Variants in SLA observed in about 807,000 individuals in gnomAD.
The protein encoded by SLA is Src like adaptor.
A neutral mutation model predicts 30.3 loss-of-function variants in SLA; 16 were observed. That is an observed-to-expected ratio of 0.53 (90% CI 0.36 to 0.80). The LOEUF is 0.80. SLA is among the 30% of genes least tolerant of loss of function. The pLI is 0.01. For missense variants in SLA, 310 were observed against 345.2 expected (o/e 0.90, Z 0.81); for synonymous variants, 143 against 137.8 (o/e 1.04, Z -0.26).
At chr8:133,081,904 CAA>C (rs1242540863) in intron 1 of SLA, among the ~76,000 whole-genome samples, 3 of 152,182 alleles carry the variant, frequency 2.0e-5, no homozygotes, top group Admixed American at 6.5e-5. Flanking sequence ...AGGCCCCACT[CAA>C]GAGAACACAG....
At chr8:133,096,819 A>G (rs528841839) in intron 1 of SLA, among the ~76,000 whole-genome samples, 67 of 152,330 alleles carry the variant, frequency 4.4e-4, no homozygotes, top group African/African-American at 1.5e-3. Flanking sequence ...TAAATTTCCT[A>G]GTAAAGAGAG....
intron 1 of SLA, among the ~76,000 whole-genome samples, chr8:133,077,013 C>T (rs1844991713): frequency 6.6e-6 from 1 of 152,134 alleles, no homozygotes; most frequent in African/African-American, 2.4e-5. Flanking sequence ...CAAAGAAACT[C>T]AATGGGTTGA....
intron 1 of SLA, among the ~76,000 whole-genome samples, chr8:133,096,648 T>G (rs1848461010): frequency 6.6e-6 from 1 of 152,128 alleles, no homozygotes; most frequent in South Asian, 2.1e-4. Context: ...GGGCTGCAAG[T>G]TAGAATACCC....
chr8:133,089,598 A>G (rs1348231307), intron 1 of SLA, among the ~76,000 whole-genome samples: 1 of 152,034 alleles, frequency 6.6e-6, no homozygotes, highest in Non-Finnish European at 1.5e-5. Flanking sequence ...ACTTCTCACT[A>G]CACTTCTATG....
chr8:133,077,803 A>G (rs1423350441), intron 1 of SLA, among the ~76,000 whole-genome samples: 3 of 151,332 alleles, frequency 2.0e-5, no homozygotes, highest in African/African-American at 7.3e-5. Context: ...TGCAGGGCTG[A>G]CCTGTGCATT....
At chr8:133,079,655 A>C (rs564992405) in intron 1 of SLA, among the ~76,000 whole-genome samples, 57 of 152,186 alleles carry the variant, frequency 3.7e-4, no homozygotes, top group Non-Finnish European at 7.6e-4. Context: ...GTATGAGCAG[A>C]TTTCCATTCC....
intron 2 of SLA, among the ~76,000 whole-genome samples, chr8:133,068,766 T>C (rs879615737): frequency 7.9e-5 from 12 of 152,224 alleles, no homozygotes; most frequent in Non-Finnish European, 1.6e-4. Context: ...GTGGCTTTGA[T>C]AGTTCATGGA....
chr8:133,098,463 G>A (rs1259235530), intron 1 of SLA, among the ~76,000 whole-genome samples: 1 of 152,188 alleles, frequency 6.6e-6, no homozygotes, highest in African/African-American at 2.4e-5. Context: ...GATGGAGCTG[G>A]CCATTGACCA....
intron 2 of SLA, among the ~76,000 whole-genome samples, chr8:133,067,916 A>AAGGAAG (rs1491304237): frequency 6.5e-5 from 6 of 91,854 alleles, no homozygotes; most frequent in South Asian, 2.9e-4. Flanking sequence ...GGAAGGAAGG[A>AAGGAAG]AAGAGAGAGA....
At chr8:133,063,859 C>T (rs1451305000) in intron 2 of SLA, 3 of 152,146 alleles carry the variant, frequency 2.0e-5, no homozygotes, top group Admixed American at 6.5e-5. Flanking sequence ...TGAAAATGCC[C>T]CCAGAGAATG....
intron 2 of SLA, among the ~76,000 whole-genome samples, chr8:133,069,466 T>C (rs1232599867): frequency 6.6e-6 from 1 of 152,126 alleles, no homozygotes; most frequent in South Asian, 2.1e-4. Flanking sequence ...GAGATCTCCA[T>C]GATGTTTTTA....
chr8:133,089,083 G>T (rs921776243), intron 1 of SLA, among the ~76,000 whole-genome samples: 1 of 152,104 alleles, frequency 6.6e-6, no homozygotes, highest in Non-Finnish European at 1.5e-5. Context: ...AGGAGAGGTC[G>T]GTGCGAGGGT....
At chr8:133,068,889 C>G (rs1448872018) in intron 2 of SLA, among the ~76,000 whole-genome samples, 1 of 152,256 alleles carries the variant, frequency 6.6e-6, no homozygotes, top group South Asian at 2.1e-4. Flanking sequence ...TCTGTTGGAC[C>G]AGAACAAATT....
At chr8:133,096,947 G>A (rs1044072405) in intron 1 of SLA, among the ~76,000 whole-genome samples, 5 of 152,326 alleles carry the variant, frequency 3.3e-5, no homozygotes, top group African/African-American at 1.2e-4. Context: ...GCTCTCGCCA[G>A]AAGTTACAGC....
chr8:133,086,575 C>G (rs1242811920), intron 1 of SLA, among the ~76,000 whole-genome samples: 3 of 152,188 alleles, frequency 2.0e-5, no homozygotes, highest in East Asian at 3.9e-4. Context: ...CCTTTTGACT[C>G]AGTAATGCCT....
At chr8:133,042,087 G>A (rs1394693583) in intron 7 of SLA, among the ~76,000 whole-genome samples, 3 of 151,942 alleles carry the variant, frequency 2.0e-5, no homozygotes, top group Non-Finnish European at 4.4e-5. Flanking sequence ...ACACCCGGCT[G>A]TCAGTGTTTT....
intron 1 of SLA, among the ~76,000 whole-genome samples, chr8:133,080,239 G>A (rs1326313122): frequency 2.0e-5 from 3 of 152,178 alleles, no homozygotes; most frequent in Admixed American, 2.0e-4. Flanking sequence ...AGACAGAAAG[G>A]AAAGGGAATG....
intron 5 of SLA, chr8:133,049,280 TA>T (rs2131204347): frequency 7.4e-6 from 3 of 406,552 alleles, no homozygotes; most frequent in South Asian, 5.1e-5. Flanking sequence ...GGAAGGCACA[TA>T]AGCATTTTTG....
rs1328876779 is a variant in SLA, at chr8:133,065,192, A to G, written c.-40-4992T>C. Among the ~76,000 whole-genome samples, 4 of 152,260 alleles carry G rather than the reference A, an allele frequency of 2.6e-5. No homozygotes were observed. The East Asian group carries it at 5.8e-4, about 22-fold the overall frequency. On this transcript the variant is annotated intron_variant, in intron 2 of 8. Transcript: ENST00000338087. Reference sequence around the variant, plus strand: ...ATGACCAGAACACCCCCATCCCACAATTGGTCAGCAAGCATCCTCTGCCAG... The same window carrying G: ...ATGACCAGAACACCCCCATCCCACAGTTGGTCAGCAAGCATCCTCTGCCAG...
Sources: allele counts gnomAD v4.1 joint callset (sites outside exome capture counted in the v4.1 genomes callset), GRCh38; gene constraint gnomAD v4.1.1; transcripts MANE v1.5; gene names NCBI Gene and HGNC (gene_info 2026-07-23, HGNC 2026-07-21).